The following CCDC9 variants were observed in gnomAD, a reference collection of about 807,000 sequenced individuals.
CCDC9 encodes the protein coiled-coil domain-containing protein 9.
A neutral mutation model predicts 65.6 loss-of-function variants in CCDC9; 52 were observed. The ratio of observed to expected loss-of-function variants is 0.79; its 90% CI spans 0.63 to 1.00. CCDC9 has a LOEUF of 1.00. Ranked by LOEUF, CCDC9 falls within the 50% of genes least tolerant of loss-of-function variation. The pLI is 0.00. For synonymous variants in CCDC9, 332 were observed against 280.3 expected (o/e 1.18, Z -1.84); for missense variants, 834 against 757.2 (o/e 1.10, Z -1.19).
In CCDC9 at chr19:47,262,585, C is replaced by G. The variant is rs184917583; in HGVS notation, c.462+1746C>G. ...TTGTCTGTGGTAACAGCTGGGTTGC[C>G]GACATGGTTGCGGTTCAGTTCACAG... On this transcript the variant is annotated intron_variant, in intron 5 of 11. Coordinates refer to ENST00000221922, the MANE Select transcript of CCDC9 (RefSeq NM_015603.3). Among the ~76,000 whole-genome samples, 462 of 152,120 alleles carry G rather than the reference C, an allele frequency of 3.0e-3. 1 individual carries two copies. The highest frequency in any genetic ancestry group is 4.5e-3 in the Non-Finnish European group (309 of 68,024).
At chr19:47,259,802 C>T (rs959898691) in intron 3 of CCDC9, among the ~76,000 whole-genome samples, 7 of 152,144 alleles carry the variant, frequency 4.6e-5, no homozygotes, top group South Asian at 2.1e-4. Flanking sequence ...GTGAGCGAGA[C>T]GCATATGGTG....
At chr19:47,273,650 C>A (rs1232277156), downstream of CCDC9, 2 of 392,522 alleles carry the variant, frequency 5.1e-6, no homozygotes, top group African/African-American at 4.1e-5. Flanking sequence ...GACGTCACGG[C>A]ACTGGGACGG....
chr19:47,256,820 C>T (rs1272914538), intron 1 of CCDC9, among the ~76,000 whole-genome samples: 4 of 142,768 alleles, frequency 2.8e-5, no homozygotes, highest in Non-Finnish European at 4.6e-5. Flanking sequence ...GAGCCTGGGC[C>T]GGCGGCTGTG....
chr19:47,271,461 T>A lies in CCDC9; in HGVS notation c.1379T>A (p.Ile460Asn), dbSNP rs2059116948. ...GCCCCAGAGGCTGCCCCCACCGGGA[T>A]CCCCTGCAGTGAGCAGGCCCACGGA... ...HQAPEAAPTG[I>N]PCSEQAHGVP... The change falls in exon 12 of 12, where the codon ATC becomes AAC. Residue 460 changes from isoleucine (I) to asparagine (N), a missense_variant. Transcript: ENST00000221922. 1 of 1,613,174 alleles carries A rather than the reference T, an allele frequency of 6.2e-7. No individual in the cohort carries two copies. The highest frequency in any genetic ancestry group is 8.5e-7 in the Non-Finnish European group (1 of 1,179,826).
intron 1 of CCDC9, chr19:47,257,697 G>C (rs904736539): frequency 4.6e-5 from 7 of 153,542 alleles, no homozygotes; most frequent in African/African-American, 1.7e-4. Flanking sequence ...GGGGGAGGCG[G>C]GAGGCTGTCG....
At chr19:47,275,137 C>T (rs529619995), downstream of CCDC9, 283 of 1,491,180 alleles carry the variant, frequency 1.9e-4, 1 homozygote, top group East Asian at 4.9e-3. Flanking sequence ...AGCGCGCCGT[C>T]CCCTCCGTGT....
chr19:47,275,584 C>CT (rs1484537427), downstream of CCDC9: 2 of 570,544 alleles, frequency 3.5e-6, no homozygotes, highest in South Asian at 2.3e-5. Context: ...ATCCTGAGCT[C>CT]TGTCTCCTGC....
At chr19:47,259,936 G>A (rs1315283657) in intron 3 of CCDC9, among the ~76,000 whole-genome samples, 1 of 152,228 alleles carries the variant, frequency 6.6e-6, no homozygotes, top group East Asian at 1.9e-4. Flanking sequence ...AGGGGTTGGA[G>A]GGTCTCTGGG....
chr19:47,258,549 C>CTGGT lies in CCDC9; in HGVS notation c.4-10_4-9insTGGT. The CTGGT allele has an allele frequency of 6.8e-6, 11 of 1,612,504 alleles. No homozygotes were observed. Among genetic ancestry groups the CTGGT allele is most frequent in the Non-Finnish European group, 9.3e-6 (11 of 1,178,604 alleles). ...TTTCCTTCCATCCCTCAACTGCCTC[C>CTGGT]CGGTCTCAGGCAGCCACACTCGATT... is the stretch of plus-strand genomic sequence containing the variant. On this transcript the variant is annotated splice_polypyrimidine_tract_variant and intron_variant, in intron 2 of 11. Coordinates refer to ENST00000221922, the MANE Select transcript of CCDC9 (RefSeq NM_015603.3).
chr19:47,272,270 G>A, downstream of CCDC9: 1 of 703,796 alleles, frequency 1.4e-6, no homozygotes, highest in Non-Finnish European at 2.0e-6. Flanking sequence ...GGTAGCAGTT[G>A]GACCATAGAG....
chr19:47,263,685 C>A (rs1005765803), intron 5 of CCDC9, among the ~76,000 whole-genome samples: 9 of 151,984 alleles, frequency 5.9e-5, no homozygotes, highest in Non-Finnish European at 8.8e-5. Context: ...CCTGTCTCAG[C>A]CTCCCAAGTA....
chr19:47,272,366 A>G (rs1445168885), downstream of CCDC9, among the ~76,000 whole-genome samples: 1 of 152,116 alleles, frequency 6.6e-6, no homozygotes, highest in Non-Finnish European at 1.5e-5. Flanking sequence ...TTTATGGGCC[A>G]AGCCAATAGG....
At chr19:47,275,434 G>C, downstream of CCDC9, 2 of 1,444,176 alleles carry the variant, frequency 1.4e-6, no homozygotes. Flanking sequence ...GATTGGTCCG[G>C]CCTTCTTCCT....
At chr19:47,265,580 C>G in intron 7 of CCDC9, among the ~76,000 whole-genome samples, 1 of 152,024 alleles carries the variant, frequency 6.6e-6, no homozygotes, top group East Asian at 1.9e-4. Flanking sequence ...CCACGTGGCT[C>G]TAGTTGTTAC....
chr19:47,271,617 G>A lies in CCDC9; in HGVS notation c.1535G>A (p.Arg512Gln), dbSNP rs759783907. 26 of 1,610,458 alleles carry A rather than the reference G, an allele frequency of 1.6e-5. No homozygotes were observed. Among genetic ancestry groups the A allele is most frequent in the East Asian group, 4.5e-5 (2 of 44,758 alleles). Reference protein sequence around the residue: ...WGEEVELNSPRTTHLAGALSP... With the variant: ...WGEEVELNSPQTTHLAGALSP... Reference sequence around the variant, plus strand: ...GAAGAGGTGGAGCTGAATTCTCCCCGGACCACTCACCTGGCTGGCGCCCTC... The same window carrying A: ...GAAGAGGTGGAGCTGAATTCTCCCCAGACCACTCACCTGGCTGGCGCCCTC... Residue 512 changes from arginine to glutamine, a missense_variant, in exon 12 of 12, where the codon CGG (arginine) becomes CAG (glutamine). Coordinates refer to ENST00000221922, the MANE Select transcript of CCDC9 (RefSeq NM_015603.3).
Position 47,266,671 on chromosome 19 carries a change from C to G in CCDC9, c.781C>G (p.Arg261Gly). Residue 261 changes from arginine (R) to glycine (G), a missense_variant, in exon 8 of 12, where the codon CGG becomes GGG. By Grantham distance (125) the Arg-to-Gly change is moderately radical. Coordinates refer to ENST00000221922, the MANE Select transcript of CCDC9 (RefSeq NM_015603.3). ...GACGTTGTCCATGACGGGCCGGGAG[C>G]GGTCGGAGTACCTGCGCTGGAAGCA... ...DMTLSMTGRE[R>G]SEYLRWKQER... 1 of 1,602,684 alleles carries G rather than the reference C, an allele frequency of 6.2e-7. No homozygotes were observed. Among genetic ancestry groups the G allele is most frequent in the East Asian group, 2.3e-5 (1 of 44,378 alleles).
At position 47,264,859 on chromosome 19, in the gene CCDC9, C is replaced by A; in HGVS notation, c.633C>A (p.Asp211Glu). 1 of 1,506,886 alleles carries A rather than the reference C, an allele frequency of 6.6e-7. No homozygotes were observed. Among genetic ancestry groups the A allele is most frequent in the Non-Finnish European group, 8.9e-7 (1 of 1,129,422 alleles). The allele number at this position is 1,506,886 out of a possible 1,614,324, so 93.3% of individuals were successfully genotyped here. ...RSGPLEESER[D>E]RREESRRHGR... The stretch of plus-strand genomic sequence containing the variant: ...GGCCCCTGGAGGAGTCTGAGCGGGA[C>A]CGCCGGGAGGAGAGCCGCCGGCACG... Residue 211 changes from aspartate to glutamate, a missense_variant, in exon 7 of 12, where the codon GAC becomes GAA. Transcript: ENST00000221922.
At chr19:47,275,303 A>T, downstream of CCDC9, 1 of 1,546,440 alleles carries the variant, frequency 6.5e-7, no homozygotes, top group Non-Finnish European at 8.7e-7. Context: ...GCCGCCAGAC[A>T]CCCAGAGAGA....
intron 5 of CCDC9, among the ~76,000 whole-genome samples, chr19:47,261,355 G>T (rs1422433167): frequency 6.6e-6 from 1 of 152,074 alleles, no homozygotes; most frequent in Non-Finnish European, 1.5e-5. Context: ...CCCGGCTTTG[G>T]TTATGGGGAG....
Sources: allele counts gnomAD v4.1 joint callset (sites outside exome capture counted in the v4.1 genomes callset), GRCh38; gene constraint gnomAD v4.1.1; transcripts MANE v1.5; gene names NCBI Gene and HGNC (gene_info 2026-07-23, HGNC 2026-07-21).